CTU2: variants seen among roughly 807,000 people sequenced by gnomAD.
CTU2 encodes cytoplasmic tRNA 2-thiolation protein 2.
In CTU2, 80 loss-of-function variants were observed where a neutral mutation model predicts 64.1. That is an observed-to-expected ratio of 1.25 (90% CI 1.04 to 1.50). CTU2 has a LOEUF of 1.50. Ranked by LOEUF, CTU2 falls within the 40% of genes most tolerant of loss-of-function variation. The probability of loss-of-function intolerance (pLI) is 0.00; values close to 1 mark genes in which losing one functional copy is unlikely to be tolerated. For missense variants in CTU2, 1,110 were observed against 690.2 expected (o/e 1.61, Z -6.81); for synonymous variants, 482 against 285.3 (o/e 1.69, Z -6.95).
chr16:88,707,466 T>A (rs1196816888), intron 2 of CTU2, among the ~76,000 whole-genome samples: 1 of 152,026 alleles, frequency 6.6e-6, no homozygotes, highest in Non-Finnish European at 1.5e-5. Context: ...CAGTTGGAAG[T>A]GGGGCCGTGG....
Position 88,710,241 on chromosome 16 carries a change from G to A in CTU2, c.241G>A (p.Gly81Arg). 1 of 1,614,030 alleles carries A rather than the reference G, an allele frequency of 6.2e-7. No homozygotes were observed. The highest frequency in any genetic ancestry group is 8.5e-7 in the Non-Finnish European group (1 of 1,179,976). ...CCCCCAGGTGCTCTTGGCGTGGTCT[G>A]GGGGGCCTTCGTCCAGCTCCATGGT... ...PGEKVLLAWS[G>R]GPSSSSMVWQ... The change falls in exon 4 of 15, where the codon GGG becomes AGG. Residue 81 changes from glycine to arginine, a missense_variant. Physicochemically the swap from Gly to Arg is moderately radical, Grantham distance 125. Transcript: ENST00000453996.
Position 88,714,588 on chromosome 16 carries a change from C to G in CTU2, c.1203C>G (p.Asp401Glu), listed in dbSNP as rs374615133. 5.6e-6 allele frequency: 9 copies of G among 1,612,562 alleles called. No individual in the cohort carries two copies. The African/African-American group carries it at 1.1e-4, about 19-fold the overall frequency. ...CCGTCACCCCCTCTCTGCTTGCAGA[C>G]AGTGCCACGGCTTTTGGGGCTCAGA... ...CMCALDVDAADSATAFGAQTS... is the reference protein window; with the variant it reads ...CMCALDVDAAESATAFGAQTS... Residue 401 changes from aspartate (D) to glutamate (E), a missense_variant and splice_region_variant, in exon 12 of 15, where the codon GAC (aspartate) becomes GAG (glutamate). Coordinates refer to ENST00000453996, the MANE Select transcript of CTU2 (RefSeq NM_001012759.3).
intron 4 of CTU2, chr16:88,710,530 ACAGCGCGTGTGTG>A (rs1911235428): frequency 1.9e-6 from 1 of 538,660 alleles, no homozygotes; most frequent in African/African-American, 1.9e-5. Context: ...AGCTGGGTCC[ACAGCGCGTGTGTG>A]CGGCCCACTC....
At chr16:88,713,840 G>A in intron 9 of CTU2, 62 bp downstream of exon 9, 2 of 1,601,176 alleles carry the variant, frequency 1.2e-6, no homozygotes, top group East Asian at 2.2e-5. Context: ...CATGTGGGCT[G>A]GGCAGCCTCT....
At position 88,713,288 on chromosome 16, in the gene CTU2, C is replaced by A. The variant is rs748494000; in HGVS notation, c.738-24C>A. The A allele has an allele frequency of 7.8e-6, 12 of 1,543,402 alleles. No homozygotes were observed. The South Asian group carries it at 1.3e-4, about 16-fold the overall frequency. On this transcript the variant is annotated intron_variant, in intron 7 of 14. Coordinates refer to ENST00000453996, the MANE Select transcript of CTU2 (RefSeq NM_001012759.3). The stretch of plus-strand genomic sequence containing the variant: ...TTCCCCGGGTCCTGCACCCCCCAGG[C>A]CCCTGAGACGCTCTGTGCTTTAGGA...
In CTU2 at chr16:88,715,330, G is replaced by A; in HGVS notation, c.*79G>A. On this transcript the variant is annotated 3_prime_UTR_variant, in exon 15 of 15. Coordinates refer to ENST00000453996, the MANE Select transcript of CTU2 (RefSeq NM_001012759.3). Reference sequence around the variant, plus strand: ...CTGGAGCCGGAAGGCAAGGACGGGGGACTGGCCTCTGATTGTCCATTTGTA... The same window carrying A: ...CTGGAGCCGGAAGGCAAGGACGGGGAACTGGCCTCTGATTGTCCATTTGTA... 2 of 1,429,450 alleles carry A rather than the reference G, an allele frequency of 1.4e-6. No individual in the cohort carries two copies. Among genetic ancestry groups the A allele is most frequent in the Non-Finnish European group, 1.9e-6 (2 of 1,043,132 alleles). The allele number at this position is 1,429,450 out of a possible 1,614,324, so 88.5% of individuals were successfully genotyped here.
At chr16:88,706,693 C>T (rs1306807401) in intron 1 of CTU2, 95 bp downstream of exon 1, 3 of 960,350 alleles carry the variant, frequency 3.1e-6, no homozygotes, top group Non-Finnish European at 4.2e-6. Context: ...CCGGGAAGCC[C>T]CGCGTGGAGA....
chr16:88,706,838 C>T lies in CTU2; in HGVS notation c.68+240C>T. 5.4e-6 allele frequency: 3 copies of T among 556,996 alleles called. No individual in the cohort carries two copies. The South Asian group carries it at 7.3e-5, about 13-fold the overall frequency. 34.5% of individuals were successfully genotyped at this position (556,996 alleles called of 1,614,324 possible). ...ACGGCTCTGCCGCTGACAGTGCTGT[C>T]CTTATTCGGAGAGAACTGGTGCCGT... On this transcript the variant is annotated intron_variant, in intron 1 of 14. Transcript: ENST00000453996.
rs188765842 is a variant in CTU2, at chr16:88,713,884, C to T, written c.1005+106C>T. 1.0e-5 allele frequency: 15 copies of T among 1,463,678 alleles called. No individual in the cohort carries two copies. In the East Asian group the frequency reaches 2.3e-4, roughly 22 times the overall value. The allele number at this position is 1,463,678 out of a possible 1,614,324, so 90.7% of individuals were successfully genotyped here. A position where few individuals can be genotyped will look rare whatever the true frequency, so the allele number is the denominator to read the frequency against. The stretch of plus-strand genomic sequence containing the variant: ...CAGGTCACCAGCACACCTTCAGTGA[C>T]TCCTGCTGTGGCCCCCAGCAGTGCT... On this transcript the variant is annotated intron_variant, in intron 9 of 14. Transcript: ENST00000453996.
chr16:88,714,255 G>C, intron 10 of CTU2, 28 bp downstream of exon 10: 1 of 1,598,916 alleles, frequency 6.3e-7, no homozygotes, highest in Non-Finnish European at 8.5e-7. Flanking sequence ...TGTGTGCGGG[G>C]GGTGCGCGGG....
At chr16:88,706,667 C>G in intron 1 of CTU2, 69 bp downstream of exon 1, 3 of 1,180,018 alleles carry the variant, frequency 2.5e-6, no homozygotes, top group Middle Eastern at 3.1e-4. Flanking sequence ...CCCGAAGGGT[C>G]CCGGCCGGGC....
rs144841340 is a variant in CTU2, at chr16:88,712,738, C to T, written c.570C>T (p.Ala190=). The T allele has an allele frequency of 1.1e-4, 175 of 1,608,752 alleles. 1 individual carries two copies. The highest frequency in any genetic ancestry group is 8.8e-5 in the South Asian group (8 of 90,720). Residue 190 remains alanine, a synonymous_variant, in exon 7 of 15, where the codon GCC becomes GCT. Coordinates refer to ENST00000453996, the MANE Select transcript of CTU2 (RefSeq NM_001012759.3). ...SFLQQQHVLG[A]GGGPGPTQGE... ...TCCAGCAGCAGCATGTGCTGGGGGC[C>T]GGGGGTGGTCCTGGCCCGACTCAAG...
At chr16:88,708,236 C>T (rs1439521119) in intron 2 of CTU2, among the ~76,000 whole-genome samples, 2 of 152,180 alleles carry the variant, frequency 1.3e-5, no homozygotes, top group Non-Finnish European at 2.9e-5. Context: ...GCCAGAAGGG[C>T]TTTTGCTGTG....
intron 10 of CTU2, 45 bp downstream of exon 10, chr16:88,714,272 C>CGGTGCGCGGG (rs1567652284): frequency 1.3e-6 from 2 of 1,591,990 alleles, no homozygotes; most frequent in African/African-American, 2.7e-5. Context: ...CGGGTGTGTG[C>CGGTGCGCGGG]TGTGCGCGGG....
In CTU2 at chr16:88,714,221, TGTACAG is replaced by T; in HGVS notation, c.1094_1097+2del. 2 of 1,496,340 alleles carry T rather than the reference TGTACAG, an allele frequency of 1.3e-6. No individual in the cohort carries two copies. The highest frequency in any genetic ancestry group is 1.8e-6 in the Non-Finnish European group (2 of 1,123,818). The allele number at this position is 1,496,340 out of a possible 1,614,324, so 92.7% of individuals were successfully genotyped here. ...CAGTTCCCCTCCACTGTCAGCACTG[TGTACAG>T]GTGTGGGTGTGTGTGGGTGTGTGCG... On this transcript the variant is annotated inframe_deletion and splice_region_variant, in exon 10 of 15. Transcript: ENST00000453996.
At position 88,714,369 on chromosome 16, in the gene CTU2, C is replaced by G; in HGVS notation, c.1098-14C>G. The G allele has an allele frequency of 6.2e-7, 1 of 1,612,078 alleles. No homozygotes were observed. The highest frequency in any genetic ancestry group is 2.2e-5 in the East Asian group (1 of 44,872). On this transcript the variant is annotated splice_polypyrimidine_tract_variant and intron_variant, in intron 10 of 14. Transcript: ENST00000453996. ...CCGTGTGATTCACCTGCTCCTCCCA[C>G]AATCCGGCCACAGGACAAGTGAGAA...
Position 88,715,314 on chromosome 16 carries a change from G to T in CTU2, c.*63G>T. On this transcript the variant is annotated 3_prime_UTR_variant, in exon 15 of 15. Coordinates refer to ENST00000453996, the MANE Select transcript of CTU2 (RefSeq NM_001012759.3). ...CACCTGGTACACCACACTGGAGCCG[G>T]AAGGCAAGGACGGGGGACTGGCCTC... 1 of 1,546,954 alleles carries T rather than the reference G, an allele frequency of 6.5e-7. No individual in the cohort carries two copies.
intron 2 of CTU2, 59 bp downstream of exon 2, chr16:88,707,269 G>A: frequency 6.9e-7 from 1 of 1,446,908 alleles, no homozygotes; most frequent in Non-Finnish European, 9.7e-7. Flanking sequence ...AGACAGGATA[G>A]CCGCAACTTG....
In CTU2 at chr16:88,712,737, C is replaced by A; in HGVS notation, c.569C>A (p.Ala190Asp). 6.2e-7 allele frequency: 1 copy of A among 1,608,762 alleles called. No homozygotes were observed. The highest frequency in any genetic ancestry group is 8.5e-7 in the Non-Finnish European group (1 of 1,178,504). ...SFLQQQHVLG[A>D]GGGPGPTQGE... ...CTCCAGCAGCAGCATGTGCTGGGGG[C>A]CGGGGGTGGTCCTGGCCCGACTCAA... The change falls in exon 7 of 15, where the codon GCC (alanine) becomes GAC (aspartate). Residue 190 changes from alanine (A) to aspartate (D), a missense_variant. Physicochemically the swap from Ala to Asp is moderately radical, Grantham distance 126 (BLOSUM62 -2). Coordinates refer to ENST00000453996, the MANE Select transcript of CTU2 (RefSeq NM_001012759.3).
Sources: allele counts gnomAD v4.1 joint callset (sites outside exome capture counted in the v4.1 genomes callset), GRCh38; gene constraint gnomAD v4.1.1; transcripts MANE v1.5; gene names NCBI Gene and HGNC (gene_info 2026-07-23, HGNC 2026-07-21).